Variants in MUC5AC observed in about 807,000 individuals in gnomAD.
MUC5AC encodes mucin 5AC, oligomeric mucus/gel-forming, also known as mucin-5AC.
In MUC5AC, 158 loss-of-function variants were observed where a neutral mutation model predicts 169.7. The ratio of observed to expected loss-of-function variants is 0.93; its 90% CI spans 0.82 to 1.06. The LOEUF (loss-of-function observed/expected upper bound fraction) is 1.06, where lower values mean the gene tolerates loss of function less well. Among genes scored for constraint, MUC5AC ranks in the 50% least tolerant of loss-of-function variants. The pLI is 0.00. For missense variants in MUC5AC, 4,359 were observed against 3,089.9 expected (o/e 1.41, Z -9.74); for synonymous variants, 1,975 against 1,237.0 (o/e 1.60, Z -12.52).
intron 11 of MUC5AC, among the ~76,000 whole-genome samples, chr11:1,167,601 C>T (rs1033796729): frequency 6.6e-6 from 1 of 152,250 alleles, no homozygotes; most frequent in African/African-American, 2.4e-5. Flanking sequence ...CAGCCCCTGG[C>T]AGCTGCTGGC....
intron 33 of MUC5AC, 90 bp from the exon 34 acceptor site, chr11:1,194,020 A>C (rs1031147267): frequency 3.7e-5 from 26 of 702,232 alleles, no homozygotes; most frequent in Non-Finnish European, 6.7e-5. Flanking sequence ...GTGGGGGGTC[A>C]GGGACAGATG....
Position 1,157,988 on chromosome 11 carries a change from G to A in MUC5AC, c.-12G>A, listed in dbSNP as rs929124770. The A allele has an allele frequency of 8.3e-6, 13 of 1,571,656 alleles. No individual in the cohort carries two copies. Among genetic ancestry groups the A allele is most frequent in the African/African-American group, 8.1e-5 (6 of 73,850 alleles). On this transcript the variant is annotated 5_prime_UTR_variant, in exon 1 of 49. Transcript: ENST00000621226. ...GCTGAGGGACAGGGCACTCTTCCCC[G>A]CCGTCCACACAATGAGTGTTGGCCG... is the stretch of plus-strand genomic sequence containing the variant.
At chr11:1,195,584 T>A (rs1008638527) in intron 36 of MUC5AC, among the ~76,000 whole-genome samples, 20 of 151,334 alleles carry the variant, frequency 1.3e-4, no homozygotes, top group African/African-American at 4.4e-4. Context: ...GACGGGGGCA[T>A]CGGTCACCAC....
chr11:1,178,787 C>A, intron 25 of MUC5AC, 104 bp downstream of exon 25: 2 of 576,942 alleles, frequency 3.5e-6, no homozygotes, highest in South Asian at 7.5e-5. Flanking sequence ...AGCTGCCAAC[C>A]AAGGGTGTGG....
chr11:1,189,569 C>G lies in MUC5AC; in HGVS notation c.11424C>G (p.Ile3808Met). 1.6e-6 allele frequency: 1 copy of G among 609,874 alleles called. No individual in the cohort carries two copies. The highest frequency in any genetic ancestry group is 2.9e-6 in the Non-Finnish European group (1 of 342,592). The allele number at this position is 609,874 out of a possible 1,614,324, so 37.8% of individuals were successfully genotyped here. ...CCTCCACTCCACAGACCAGCACAAT[C>G]TCTTCCCCTACAACCAGCACAACCT... ...STTSTPQTST[I>M]SSPTTSTTST... The change falls in exon 31 of 49, where the codon ATC becomes ATG. Residue 3808 changes from isoleucine (I) to methionine (M), a missense_variant. Physicochemically the swap from Ile to Met is conservative, Grantham distance 10 (BLOSUM62 1). Transcript: ENST00000621226.
In MUC5AC at chr11:1,163,863, G is replaced by A. The variant is rs779206529; in HGVS notation, c.680-19G>A. ...GTACCGGGACCTGCAGGCAGAGCCCGCCTCTGTGCTTGCCGCAGACACCAA... is the reference window on the plus strand; with the variant it reads ...GTACCGGGACCTGCAGGCAGAGCCCACCTCTGTGCTTGCCGCAGACACCAA... On this transcript the variant is annotated intron_variant, in intron 6 of 48. Coordinates refer to ENST00000621226, the MANE Select transcript of MUC5AC (RefSeq NM_001304359.2). 1.5e-4 allele frequency: 233 copies of A among 1,582,036 alleles called. No homozygotes were observed. The highest frequency in any genetic ancestry group is 2.0e-4 in the Admixed American group (11 of 56,376).
intron 32 of MUC5AC, 78 bp downstream of exon 32, chr11:1,193,060 A>T (rs1843553039): frequency 1.6e-6 from 1 of 614,532 alleles, no homozygotes; most frequent in African/African-American, 1.8e-5. Context: ...ATTAGTCTTC[A>T]GCTGCAAAGT....
intron 12 of MUC5AC, among the ~76,000 whole-genome samples, 174 bp downstream of exon 12, chr11:1,168,161 G>A (rs1370050347): frequency 6.6e-6 from 1 of 152,200 alleles, no homozygotes; most frequent in East Asian, 1.9e-4. Flanking sequence ...CCTAAAGGGA[G>A]AAGCTCAGGG....
intron 19 of MUC5AC, among the ~76,000 whole-genome samples, 194 bp from the exon 20 acceptor site, chr11:1,175,957 A>G (rs1860673912): frequency 8.8e-6 from 1 of 114,202 alleles, no homozygotes; most frequent in Non-Finnish European, 1.8e-5. Context: ...ACACACTCAC[A>G]CCCAGTTATG....
Position 1,191,951 on chromosome 11 carries a change from C to T in MUC5AC, c.13806C>T (p.Thr4602=), listed in dbSNP as rs1439891928. 2.6e-6 allele frequency: 2 copies of T among 765,166 alleles called. No homozygotes were observed. Among genetic ancestry groups the T allele is most frequent in the Non-Finnish European group, 4.8e-6 (2 of 417,926 alleles). 47.4% of individuals were successfully genotyped at this position (765,166 alleles called of 1,614,324 possible). ...TPSPVPTTST[T]PVSKTSTSHL... ...GCCCCGTTCCCACCACCAGCACAAC[C>T]CCTGTTTCAAAGACCAGCACAAGCC... Residue 4602 remains threonine, a synonymous_variant, in exon 31 of 49, where the codon ACC becomes ACT. Transcript: ENST00000621226.
At chr11:1,169,086 A>C in intron 15 of MUC5AC, 60 bp downstream of exon 15, 1 of 1,483,028 alleles carries the variant, frequency 6.7e-7, no homozygotes. Flanking sequence ...ACCCGCTTCC[A>C]TTTGGCACTG....
chr11:1,198,903 C>G lies in MUC5AC; in HGVS notation c.16203C>G (p.Cys5401Trp). Residue 5401 changes from cysteine (C) to tryptophan (W), a missense_variant, in exon 44 of 49, where the codon TGC becomes TGG. Transcript: ENST00000621226. ...GCGCCGTGGTCTCCTCGAGCCTGTG[C>G]GAAACCTGCAGGTGTGAGCTGCCGG... is the stretch of plus-strand genomic sequence containing the variant. ...QPGAVVSSSLCETCRCELPGG... is the reference protein window; with the variant it reads ...QPGAVVSSSLWETCRCELPGG... 1 of 757,488 alleles carries G rather than the reference C, an allele frequency of 1.3e-6. No homozygotes were observed. Among genetic ancestry groups the G allele is most frequent in the Non-Finnish European group, 2.4e-6 (1 of 414,776 alleles). 46.9% of individuals were successfully genotyped at this position (757,488 alleles called of 1,614,324 possible). A position where few individuals can be genotyped will look rare whatever the true frequency, so the allele number is the denominator to read the frequency against.
Position 1,196,426 on chromosome 11 carries a change from G to C in MUC5AC, c.15676G>C (p.Gly5226Arg), listed in dbSNP as rs774074180. Residue 5226 changes from glycine (G) to arginine (R), a missense_variant, in exon 38 of 49, where the codon GGC (glycine) becomes CGC (arginine). By Grantham distance (125) the Gly-to-Arg change is moderately radical (BLOSUM62 -2). Transcript: ENST00000621226. The stretch of plus-strand genomic sequence containing the variant: ...AGCCGACAAGGTGTACCAGCCCTGC[G>C]GCCCGAGCAACCCCTCCTACTGCTA... ...CPADKVYQPC[G>R]PSNPSYCYGN... 2 of 764,998 alleles carry C rather than the reference G, an allele frequency of 2.6e-6. No homozygotes were observed. The highest frequency in any genetic ancestry group is 2.7e-5 in the South Asian group (2 of 74,628). 47.4% of individuals were successfully genotyped at this position (764,998 alleles called of 1,614,324 possible). A position where few individuals can be genotyped will look rare whatever the true frequency, so the allele number is the denominator to read the frequency against.
At position 1,181,342 on chromosome 11, in the gene MUC5AC, GGTGGCT is replaced by G. The variant is rs1860810507; in HGVS notation, c.3894_3899del (p.Gly1299_Cys1300del). 2.5e-6 allele frequency: 1 copy of G among 398,578 alleles called. No homozygotes were observed. Among genetic ancestry groups the G allele is most frequent in the Non-Finnish European group, 4.4e-6 (1 of 226,174 alleles). 24.7% of individuals were successfully genotyped at this position (398,578 alleles called of 1,614,324 possible). A position where few individuals can be genotyped will look rare whatever the true frequency, so the allele number is the denominator to read the frequency against. ...CATCTACCACACGACGGATGGCACG[GGTGGCT>G]GCATCTCCGCCCGCTGCGGGGCCAA... On this transcript the variant is annotated inframe_deletion, in exon 30 of 49. Coordinates refer to ENST00000621226, the MANE Select transcript of MUC5AC (RefSeq NM_001304359.2).
At position 1,199,462 on chromosome 11, in the gene MUC5AC, A is replaced by C. The variant is rs1488463938; in HGVS notation, c.16487A>C (p.Lys5496Thr). Residue 5496 changes from lysine to threonine, a missense_variant, in exon 46 of 49, where the codon AAG becomes ACG. Coordinates refer to ENST00000621226, the MANE Select transcript of MUC5AC (RefSeq NM_001304359.2). The part of the protein sequence containing the change: ...QDGLVVVTTK[K>T]ACPPLSCSLD... ...GGGCTCGTGGTGGTCACCACGAAGA[A>C]GGCGTGCCCCCCGCTCAGCTGTTCT... The C allele has an allele frequency of 1.4e-6, 1 of 723,520 alleles. No individual in the cohort carries two copies. The highest frequency in any genetic ancestry group is 2.5e-6 in the Non-Finnish European group (1 of 396,772). 44.8% of individuals were successfully genotyped at this position (723,520 alleles called of 1,614,324 possible). A position where few individuals can be genotyped will look rare whatever the true frequency, so the allele number is the denominator to read the frequency against.
intron 12 of MUC5AC, 54 bp from the exon 13 acceptor site, chr11:1,168,429 G>A: frequency 6.4e-7 from 1 of 1,558,784 alleles, no homozygotes. Context: ...CCTCCGCGGG[G>A]CTGAGGTGCC....
At position 1,199,500 on chromosome 11, in the gene MUC5AC, A is replaced by G. The variant is rs1026725126; in HGVS notation, c.16515+10A>G. On this transcript the variant is annotated intron_variant, in intron 46 of 48. Transcript: ENST00000621226. Reference sequence around the variant, plus strand: ...GCTCAGCTGTTCTCTGGTGAGGTCCAGGATCCCCGCTCCAGCCAAGGGGGG... The same window carrying G: ...GCTCAGCTGTTCTCTGGTGAGGTCCGGGATCCCCGCTCCAGCCAAGGGGGG... 1.4e-6 allele frequency: 1 copy of G among 706,196 alleles called. No homozygotes were observed. The highest frequency in any genetic ancestry group is 2.6e-6 in the Non-Finnish European group (1 of 386,968). The allele number at this position is 706,196 out of a possible 1,614,324, so 43.7% of individuals were successfully genotyped here. A position where few individuals can be genotyped will look rare whatever the true frequency, so the allele number is the denominator to read the frequency against.
chr11:1,159,927 TGC>T (rs1273148043), intron 1 of MUC5AC, among the ~76,000 whole-genome samples: 511 of 127,114 alleles, frequency 4.0e-3, no homozygotes, highest in Non-Finnish European at 6.0e-3. Context: ...CGACGGGCTG[TGC>T]GGGGCTGTGT....
Position 1,199,949 on chromosome 11 carries a change from C to T in MUC5AC, c.16680C>T (p.Asn5560=). 1.3e-6 allele frequency: 1 copy of T among 763,462 alleles called. No homozygotes were observed. Among genetic ancestry groups the T allele is most frequent in the Non-Finnish European group, 2.4e-6 (1 of 417,236 alleles). The allele number at this position is 763,462 out of a possible 1,614,324, so 47.3% of individuals were successfully genotyped here. The change falls in exon 48 of 49, where the codon AAC becomes AAT. Residue 5560 remains asparagine (N), a synonymous_variant. Transcript: ENST00000621226. The part of the protein sequence containing the change: ...EPVRLAYCRG[N]CGDSSSMYSL... ...TGCGCCTGGCTTACTGCCGGGGGAA[C>T]TGTGGGGACAGCTCTTCCATGTACG...
Sources: gnomAD v4.1 joint callset for allele counts (sites outside exome capture counted in the v4.1 genomes callset) on GRCh38, gnomAD v4.1.1 for gene constraint, MANE v1.5 for transcripts, NCBI Gene and HGNC (gene_info 2026-07-23, HGNC 2026-07-21) for gene names.